Variants in DNAH17 observed in about 807,000 individuals in gnomAD.
The protein encoded by DNAH17 is dynein axonemal heavy chain 17.
A neutral mutation model predicts 485.6 loss-of-function variants in DNAH17; 376 were observed. That is an observed-to-expected ratio of 0.77 (90% CI 0.71 to 0.84). The LOEUF is 0.84. Among genes scored for constraint, DNAH17 ranks in the 40% least tolerant of loss-of-function variants. The pLI is 0.00. For missense variants in DNAH17, 6,370 were observed against 5,839.3 expected (o/e 1.09, Z -2.96); for synonymous variants, 3,031 against 2,405.9 (o/e 1.26, Z -7.60).
At chr17:78,525,841 A>AC (rs1414922875) in intron 24 of DNAH17, among the ~76,000 whole-genome samples, 1 of 152,254 alleles carries the variant, frequency 6.6e-6, no homozygotes, top group Non-Finnish European at 1.5e-5. Flanking sequence ...GAGGAATGCG[A>AC]CATGAGGAAA....
chr17:78,504,305 T>C (rs528067065), intron 31 of DNAH17, among the ~76,000 whole-genome samples: 13 of 152,060 alleles, frequency 8.5e-5, no homozygotes, highest in Admixed American at 3.9e-4. Context: ...CCTCAGATGA[T>C]CCGCCCACCT....
At chr17:78,427,984 AAAAAGTGGAGGT>A (rs2086536235) in intron 77 of DNAH17, among the ~76,000 whole-genome samples, 1 of 137,758 alleles carries the variant, frequency 7.3e-6, no homozygotes, top group African/African-American at 2.6e-5. Flanking sequence ...AAAAAAAAAA[AAAAAGTGGAGGT>A]ACCCAGGAGG....
intron 72 of DNAH17, among the ~76,000 whole-genome samples, chr17:78,440,751 C>T (rs1373236298): frequency 6.6e-6 from 1 of 152,220 alleles, no homozygotes. Context: ...GGTGTATACT[C>T]AGGCGTGGAA....
At chr17:78,476,087 C>T (rs692688) in intron 52 of DNAH17, among the ~76,000 whole-genome samples, 40,886 of 151,786 alleles carry the variant, frequency 0.27, 6,357 homozygotes, top group African/African-American at 0.45. Context: ...CCACCAAGAA[C>T]ACACGGGACA....
Position 78,571,361 on chromosome 17 carries a change from C to T in DNAH17, c.750G>A (p.Val250=). The part of the protein sequence containing the change: ...CIHEQLNRPK[V]NKIVEILEKA... ...TCTCTAGGATCTCAACAATCTTGTT[C>T]ACTTTGGGTCTGTTTAGCTGAGAAG... is the stretch of plus-strand genomic sequence containing the variant. Residue 250 remains valine (V), a synonymous_variant, in exon 5 of 81, where the codon GTG becomes GTA. Coordinates refer to ENST00000389840, the MANE Select transcript of DNAH17 (RefSeq NM_173628.4). 6.2e-7 allele frequency: 1 copy of T among 1,613,826 alleles called. No individual in the cohort carries two copies. Among genetic ancestry groups the T allele is most frequent in the African/African-American group, 1.3e-5 (1 of 75,046 alleles).
At chr17:78,542,066 T>C (rs1298730710) in intron 17 of DNAH17, among the ~76,000 whole-genome samples, 5 of 151,604 alleles carry the variant, frequency 3.3e-5, no homozygotes, top group African/African-American at 1.2e-4. Flanking sequence ...CTAGATGATG[T>C]GACTCATCAT....
At chr17:78,467,564 G>A (rs565818986) in intron 55 of DNAH17, among the ~76,000 whole-genome samples, 56 of 152,266 alleles carry the variant, frequency 3.7e-4, no homozygotes, top group African/African-American at 1.2e-3. Context: ...GGGGAGGGAG[G>A]ACCCTGCTCT....
intron 48 of DNAH17, among the ~76,000 whole-genome samples, chr17:78,482,579 C>T (rs73379439): frequency 0.03 from 4,575 of 152,228 alleles, 212 homozygotes; most frequent in African/African-American, 0.1. Flanking sequence ...CTTTTGCCTG[C>T]GCAGTCCTCT....
chr17:78,556,755 G>A (rs920144465), intron 14 of DNAH17, among the ~76,000 whole-genome samples: 3 of 152,100 alleles, frequency 2.0e-5, no homozygotes, highest in South Asian at 2.1e-4. Flanking sequence ...AAAACAACCC[G>A]AATGCCCATC....
intron 14 of DNAH17, among the ~76,000 whole-genome samples, chr17:78,557,729 C>A (rs548745689): frequency 2.1e-5 from 1 of 48,632 alleles, no homozygotes; most frequent in South Asian, 6.7e-4. Context: ...TCATCACTAT[C>A]TTTGCTGCTA....
chr17:78,443,155 GGC>G (rs1475343319), intron 71 of DNAH17, among the ~76,000 whole-genome samples: 1 of 152,192 alleles, frequency 6.6e-6, no homozygotes, highest in Non-Finnish European at 1.5e-5. Flanking sequence ...CAGTCACACA[GGC>G]TAACTTAGGC....
At chr17:78,461,867 TTAAAAG>T (rs908040475) in intron 57 of DNAH17, among the ~76,000 whole-genome samples, 159 bp from the exon 58 acceptor site, 2 of 151,980 alleles carry the variant, frequency 1.3e-5, no homozygotes, top group African/African-American at 4.8e-5. Flanking sequence ...TTTCAATATC[TTAAAAG>T]TAAGTTATAA....
intron 37 of DNAH17, 178 bp downstream of exon 37, chr17:78,498,830 G>A: frequency 2.0e-6 from 1 of 497,396 alleles, no homozygotes; most frequent in Non-Finnish European, 3.6e-6. Context: ...TTTTCAATGT[G>A]TTTGCCTAAC....
In DNAH17 at chr17:78,537,465, A is replaced by G. The variant is rs766180721; in HGVS notation, c.2693T>C (p.Leu898Pro). Residue 898 changes from leucine (L) to proline (P), a missense_variant, in exon 19 of 81, where the codon CTG (leucine) becomes CCG (proline). Physicochemically the swap from Leu to Pro is moderately conservative, Grantham distance 98. Coordinates refer to ENST00000389840, the MANE Select transcript of DNAH17 (RefSeq NM_173628.4). Reference sequence around the variant, plus strand: ...GTCCAGCTCCATGCGGATCTCAAACAGGGGAGCGATACTCTCCTGAAAGAG... The same window carrying G: ...GTCCAGCTCCATGCGGATCTCAAACGGGGGAGCGATACTCTCCTGAAAGAG... The part of the protein sequence containing the change: ...NMVIDESIAP[L>P]FEIRMELDED... 1.2e-5 allele frequency: 19 copies of G among 1,613,268 alleles called. No homozygotes were observed. The highest frequency in any genetic ancestry group is 1.5e-5 in the Non-Finnish European group (18 of 1,179,822).
At chr17:78,522,227 T>C (rs1047604336) in intron 25 of DNAH17, 5 of 176,338 alleles carry the variant, frequency 2.8e-5, no homozygotes, top group Non-Finnish European at 6.0e-5. Flanking sequence ...CCAGCCCAGC[T>C]GAGCCGAGCC....
rs534766948 is a variant in DNAH17 at position 78,457,771 on chromosome 17, C to T, written c.9977+794G>A. Among the ~76,000 whole-genome samples, 485 of 151,264 alleles carry T rather than the reference C, an allele frequency of 3.2e-3. 5 individuals carry two copies. Among genetic ancestry groups the T allele is most frequent in the African/African-American group, 0.011 (471 of 41,206 alleles). On this transcript the variant is annotated intron_variant, in intron 62 of 80. Coordinates refer to ENST00000389840, the MANE Select transcript of DNAH17 (RefSeq NM_173628.4). ...CGCCTCCTGGGTTCAGGTGATTCTC[C>T]TCCCTCAGCCTCCCAAATAGCTGGG...
chr17:78,571,380 TGAG>T lies in DNAH17; in HGVS notation c.733-5_733-3del, dbSNP rs762617336. ...CTTGTTCACTTTGGGTCTGTTTAGCTGAGAAGGGGAGTGAAGATCCACCTTTCA... is the reference window on the plus strand; with the variant it reads ...CTTGTTCACTTTGGGTCTGTTTAGCTAAGGGGAGTGAAGATCCACCTTTCA... On this transcript the variant is annotated splice_polypyrimidine_tract_variant and splice_region_variant and intron_variant, in intron 4 of 80. Coordinates refer to ENST00000389840, the MANE Select transcript of DNAH17 (RefSeq NM_173628.4). 3.4e-5 allele frequency: 55 copies of T among 1,610,974 alleles called. No individual in the cohort carries two copies. The South Asian group carries it at 5.9e-4, about 17-fold the overall frequency.
At chr17:78,518,006 T>G (rs1431215423) in intron 25 of DNAH17, among the ~76,000 whole-genome samples, 1 of 152,198 alleles carries the variant, frequency 6.6e-6, no homozygotes, top group Non-Finnish European at 1.5e-5. Flanking sequence ...AAGAAAACTA[T>G]ATAAAGCGCT....
At chr17:78,453,736 G>A (rs909651940) in intron 64 of DNAH17, among the ~76,000 whole-genome samples, 1 of 152,200 alleles carries the variant, frequency 6.6e-6, no homozygotes, top group African/African-American at 2.4e-5. Flanking sequence ...GGCCCAGGCT[G>A]GAGTGCAGTG....
Sources: gnomAD v4.1 joint callset for allele counts (sites outside exome capture counted in the v4.1 genomes callset) on GRCh38, gnomAD v4.1.1 for gene constraint, MANE v1.5 for transcripts, NCBI Gene and HGNC (gene_info 2026-07-23, HGNC 2026-07-21) for gene names.